The following FAM24B variants were observed in gnomAD, a reference collection of about 807,000 sequenced individuals.
The protein encoded by FAM24B is protein FAM24B.
In FAM24B, 3 loss-of-function variants were observed where a neutral mutation model predicts 2.3. The ratio of observed to expected loss-of-function variants is 1.29; its 90% CI spans 0.59 to 3.32. The LOEUF (loss-of-function observed/expected upper bound fraction) is 3.32, where lower values mean the gene tolerates loss of function less well. FAM24B is among the 30% of genes most tolerant of loss of function. The pLI is 0.03. For missense variants in FAM24B, 98 were observed against 117.2 expected (o/e 0.84, Z 0.76); for synonymous variants, 36 against 46.3 (o/e 0.78, Z 0.90).
At chr10:122,860,983 T>C (rs1395142044) in intron 1 of FAM24B, among the ~76,000 whole-genome samples, 1 of 152,176 alleles carries the variant, frequency 6.6e-6, no homozygotes, top group Non-Finnish European at 1.5e-5. Context: ...AGTCTATGGC[T>C]TTTCTTTTCA....
At chr10:122,877,365 A>G (rs1296320359) in intron 1 of FAM24B, among the ~76,000 whole-genome samples, 1 of 152,142 alleles carries the variant, frequency 6.6e-6, no homozygotes, top group Admixed American at 6.5e-5. Context: ...GGAGGTCGCT[A>G]GGCTTGCTGC....
intron 1 of FAM24B, among the ~76,000 whole-genome samples, chr10:122,863,240 G>A (rs1008209334): frequency 1.3e-5 from 2 of 152,188 alleles, no homozygotes; most frequent in African/African-American, 2.4e-5. Context: ...ACTGATTGAT[G>A]ACTTCATGCC....
At chr10:122,868,026 GAAGTT>G (rs1566261587) in intron 1 of FAM24B, among the ~76,000 whole-genome samples, 1 of 152,130 alleles carries the variant, frequency 6.6e-6, no homozygotes, top group Non-Finnish European at 1.5e-5. Flanking sequence ...CAATGGCAAA[GAAGTT>G]AAAAACTTTG....
At chr10:122,867,331 G>A (rs1226234690) in intron 1 of FAM24B, among the ~76,000 whole-genome samples, 1 of 152,248 alleles carries the variant, frequency 6.6e-6, no homozygotes, top group Non-Finnish European at 1.5e-5. Flanking sequence ...AGCTCAAGGA[G>A]GCCTGCCTGC....
intron 1 of FAM24B, among the ~76,000 whole-genome samples, chr10:122,875,913 A>C (rs1847969776): frequency 6.6e-6 from 1 of 152,204 alleles, no homozygotes; most frequent in African/African-American, 2.4e-5. Context: ...GCTTCAAGTG[A>C]GCATGCATAC....
At chr10:122,868,701 A>G (rs1195019823) in intron 1 of FAM24B, among the ~76,000 whole-genome samples, 1 of 152,206 alleles carries the variant, frequency 6.6e-6, no homozygotes, top group Non-Finnish European at 1.5e-5. Context: ...TAAGTGAAGG[A>G]GAAATAAAAT....
At chr10:122,857,281 T>G (rs1217730352) in intron 1 of FAM24B, among the ~76,000 whole-genome samples, 1 of 152,176 alleles carries the variant, frequency 6.6e-6, no homozygotes, top group African/African-American at 2.4e-5. Flanking sequence ...TGGTCCAGCC[T>G]ACCCTCTAGG....
intron 1 of FAM24B, among the ~76,000 whole-genome samples, chr10:122,873,797 C>T (rs748285443): frequency 2.0e-5 from 3 of 152,154 alleles, no homozygotes; most frequent in Non-Finnish European, 4.4e-5. Flanking sequence ...TTGTTGAATT[C>T]TACAAATTCT....
chr10:122,869,890 C>A (rs969125295), intron 1 of FAM24B, among the ~76,000 whole-genome samples: 4 of 152,066 alleles, frequency 2.6e-5, no homozygotes, highest in African/African-American at 9.7e-5. Context: ...GAAGCAAAAG[C>A]AAACACATTC....
intron 1 of FAM24B, among the ~76,000 whole-genome samples, chr10:122,867,679 A>G (rs1233687117): frequency 1.3e-5 from 2 of 152,212 alleles, no homozygotes; most frequent in African/African-American, 4.8e-5. Flanking sequence ...CCAGGCAAAC[A>G]GGGTCTGGAG....
At chr10:122,862,904 A>C (rs1300905605) in intron 1 of FAM24B, among the ~76,000 whole-genome samples, 1 of 151,988 alleles carries the variant, frequency 6.6e-6, no homozygotes, top group Non-Finnish European at 1.5e-5. Flanking sequence ...ATTCCCACTC[A>C]CTGTGTGGCC....
At chr10:122,870,318 C>G (rs1847872939) in intron 1 of FAM24B, among the ~76,000 whole-genome samples, 2 of 152,182 alleles carry the variant, frequency 1.3e-5, no homozygotes, top group South Asian at 4.1e-4. Flanking sequence ...AAAAAAAGTC[C>G]AGGACCAGAT....
chr10:122,863,033 G>A (rs1222492083), intron 1 of FAM24B, among the ~76,000 whole-genome samples: 1 of 152,054 alleles, frequency 6.6e-6, no homozygotes, highest in Non-Finnish European at 1.5e-5. Flanking sequence ...ATTTCAATGA[G>A]AACCATTCCT....
intron 1 of FAM24B, among the ~76,000 whole-genome samples, chr10:122,873,811 G>A (rs1328338629): frequency 1.3e-5 from 2 of 152,104 alleles, no homozygotes; most frequent in African/African-American, 2.4e-5. Context: ...AAATTCTGAT[G>A]AATTGTATTT....
Position 122,849,163 on chromosome 10 carries a change from A to C in FAM24B, c.*84T>G. 9.5e-7 allele frequency: 1 copy of C among 1,050,906 alleles called. No homozygotes were observed. Among genetic ancestry groups the C allele is most frequent in the South Asian group, 2.3e-5 (1 of 42,910 alleles). The allele number at this position is 1,050,906 out of a possible 1,614,324, so 65.1% of individuals were successfully genotyped here. A position where few individuals can be genotyped will look rare whatever the true frequency, so the allele number is the denominator to read the frequency against. On this transcript the variant is annotated 3_prime_UTR_variant, in exon 4 of 4. Transcript: ENST00000368898. ...ACTGTAAATTATATAATCTCACATA[A>C]AAACACTAGAACTTGATTTGAATAA...
chr10:122,854,880 T>C (rs1000292755), intron 2 of FAM24B, among the ~76,000 whole-genome samples: 3 of 151,706 alleles, frequency 2.0e-5, no homozygotes, highest in Non-Finnish European at 2.9e-5. Flanking sequence ...GACTAACCAC[T>C]AACAAATGGT....
intron 1 of FAM24B, among the ~76,000 whole-genome samples, chr10:122,867,243 G>T (rs1294985683): frequency 6.6e-6 from 1 of 152,184 alleles, no homozygotes; most frequent in African/African-American, 2.4e-5. Context: ...CAGGCTGGGG[G>T]AGGGACGCCC....
At chr10:122,851,003 T>TA (rs1223489580) in intron 2 of FAM24B, among the ~76,000 whole-genome samples, 1 of 152,238 alleles carries the variant, frequency 6.6e-6, no homozygotes, top group Non-Finnish European at 1.5e-5. Context: ...TTCCAAATGT[T>TA]ACTGTCCCAA....
In FAM24B at chr10:122,849,131, A is replaced by G; in HGVS notation, c.*116T>C. 1 of 746,494 alleles carries G rather than the reference A, an allele frequency of 1.3e-6. No individual in the cohort carries two copies. The allele number at this position is 746,494 out of a possible 1,614,324, so 46.2% of individuals were successfully genotyped here. ...GTGTACATTTATTCAAAAGTATATA[A>G]AACAACACTGTAAATTATATAATCT... On this transcript the variant is annotated 3_prime_UTR_variant, in exon 4 of 4. Coordinates refer to ENST00000368898, the MANE Select transcript of FAM24B (RefSeq NM_152644.3).
Sources: gnomAD v4.1 joint callset for allele counts (sites outside exome capture counted in the v4.1 genomes callset) on GRCh38, gnomAD v4.1.1 for gene constraint, MANE v1.5 for transcripts, NCBI Gene and HGNC (gene_info 2026-07-23, HGNC 2026-07-21) for gene names.